TRDN: variants seen among roughly 807,000 people sequenced by gnomAD.
TRDN encodes triadin in skeletal muscle.
Under a neutral mutation model 149.7 loss-of-function variants are expected in TRDN, and 161 were observed. The observed-to-expected ratio is 1.08, with a 90% CI of 0.95 to 1.23. TRDN has a LOEUF of 1.23. Among genes scored for constraint, TRDN ranks in the 50% most tolerant of loss-of-function variants. TRDN has a pLI of 0.00. For missense variants in TRDN, 896 were observed against 823.5 expected (o/e 1.09, Z -1.08); for synonymous variants, 294 against 250.5 (o/e 1.17, Z -1.64).
chr6:123,561,330 AC>A (rs1781982942), intron 2 of TRDN, among the ~76,000 whole-genome samples: 1 of 152,050 alleles, frequency 6.6e-6, no homozygotes, highest in Admixed American at 6.6e-5. Context: ...TTAAAAACAC[AC>A]CTCACCAAGC....
intron 5 of TRDN, 121 bp downstream of exon 5, chr6:123,530,385 T>C: frequency 2.4e-6 from 1 of 421,708 alleles, no homozygotes; most frequent in East Asian, 5.8e-5. Context: ...AACTGAGGAG[T>C]AAATTTAGTT....
At chr6:123,572,473 G>A (rs1782631234) in intron 1 of TRDN, among the ~76,000 whole-genome samples, 1 of 143,912 alleles carries the variant, frequency 6.9e-6, no homozygotes, top group African/African-American at 2.4e-5. Flanking sequence ...GAGAAAACAT[G>A]TCTCATTATC....
At chr6:123,616,973 C>T (rs911716743) in intron 1 of TRDN, among the ~76,000 whole-genome samples, 1 of 152,050 alleles carries the variant, frequency 6.6e-6, no homozygotes, top group African/African-American at 2.4e-5. Context: ...TTTCATGGTG[C>T]AAATATAAAA....
intron 21 of TRDN, among the ~76,000 whole-genome samples, chr6:123,343,813 G>A (rs545159279): frequency 7.5e-4 from 114 of 152,038 alleles, no homozygotes; most frequent in African/African-American, 2.0e-3. Flanking sequence ...CAGAAAGTGC[G>A]GAGTTCCTGT....
chr6:123,555,265 G>A (rs1047332614), intron 2 of TRDN, among the ~76,000 whole-genome samples: 1 of 152,060 alleles, frequency 6.6e-6, no homozygotes, highest in Non-Finnish European at 1.5e-5. Flanking sequence ...CATCACGGTG[G>A]AAGAGATTTC....
At chr6:123,405,679 C>T (rs942091123) in intron 12 of TRDN, among the ~76,000 whole-genome samples, 8 of 152,068 alleles carry the variant, frequency 5.3e-5, no homozygotes, top group Non-Finnish European at 7.4e-5. Context: ...TTTAGTAATT[C>T]TCATCTTTCA....
intron 38 of TRDN, among the ~76,000 whole-genome samples, chr6:123,227,015 G>A (rs1443928988): frequency 4.6e-5 from 7 of 151,858 alleles, no homozygotes; most frequent in Non-Finnish European, 8.8e-5. Context: ...TCAGGGAGTA[G>A]AGGAGACGTT....
intron 24 of TRDN, among the ~76,000 whole-genome samples, chr6:123,279,627 C>G (rs1451639023): frequency 6.6e-6 from 1 of 152,026 alleles, no homozygotes; most frequent in Non-Finnish European, 1.5e-5. Flanking sequence ...CTACTTCTCA[C>G]TCCCACTTCA....
chr6:123,317,583 C>T (rs771619542), intron 23 of TRDN, among the ~76,000 whole-genome samples: 1 of 151,928 alleles, frequency 6.6e-6, no homozygotes, highest in Non-Finnish European at 1.5e-5. Context: ...CACTCTTTGG[C>T]ACATATTTCT....
intron 38 of TRDN, among the ~76,000 whole-genome samples, chr6:123,238,714 A>G (rs1246346493): frequency 1.3e-5 from 2 of 152,232 alleles, no homozygotes; most frequent in Non-Finnish European, 2.9e-5. Context: ...ACATATATAA[A>G]ACATCATGTT....
chr6:123,507,613 T>C (rs1394214119), intron 7 of TRDN, among the ~76,000 whole-genome samples: 1 of 152,128 alleles, frequency 6.6e-6, no homozygotes, highest in African/African-American at 2.4e-5. Context: ...CCAAAATATT[T>C]TTCCTGATTT....
chr6:123,578,410 A>G (rs186397608), intron 1 of TRDN, among the ~76,000 whole-genome samples: 22 of 152,084 alleles, frequency 1.4e-4, no homozygotes, highest in Admixed American at 7.2e-4. Context: ...ATGAGTTTAC[A>G]TATAACTTCC....
At chr6:123,554,332 T>C (rs1277328652) in intron 2 of TRDN, among the ~76,000 whole-genome samples, 1 of 152,180 alleles carries the variant, frequency 6.6e-6, no homozygotes, top group Non-Finnish European at 1.5e-5. Flanking sequence ...TATTGAGCAC[T>C]GATTATGTAC....
At position 123,556,640 on chromosome 6, in the gene TRDN, T is replaced by C. The variant is rs190163660; in HGVS notation, c.233-8028A>G. On this transcript the variant is annotated intron_variant, in intron 2 of 40. Transcript: ENST00000334268. ...CCTCTTCCTCCTATTCCTCTTCCTC[T>C]TCTTCTTCTTCCTCTTCCTCTTCTT... is the stretch of plus-strand genomic sequence containing the variant. Among the ~76,000 whole-genome samples, 74 of 149,540 alleles carry C rather than the reference T, an allele frequency of 4.9e-4. No individual in the cohort carries two copies. In the East Asian group the frequency reaches 9.3e-3, roughly 19 times the overall value.
At position 123,548,681 on chromosome 6, in the gene TRDN, G is replaced by A. The variant is rs1445999277; in HGVS notation, c.233-69C>T. On this transcript the variant is annotated intron_variant, in intron 2 of 40. Transcript: ENST00000334268. ...ATTTCCAAATAACTTAAGAAAAGCT[G>A]TTTTTACTGATTTGTTGTTTTGACA... is the stretch of plus-strand genomic sequence containing the variant. 5.8e-6 allele frequency: 7 copies of A among 1,204,812 alleles called. No homozygotes were observed. The South Asian group carries it at 1.3e-4, about 22-fold the overall frequency. The allele number at this position is 1,204,812 out of a possible 1,614,324, so 74.6% of individuals were successfully genotyped here. A position where few individuals can be genotyped will look rare whatever the true frequency, so the allele number is the denominator to read the frequency against.
chr6:123,375,594 G>T lies in TRDN; in HGVS notation c.1273+11C>A, dbSNP rs572925219. ...AAATATGCTCTTCTTTAAAAATTTTGTTCAACATACTTGCTTTTACTTGTT... is the reference window on the plus strand; with the variant it reads ...AAATATGCTCTTCTTTAAAAATTTTTTTCAACATACTTGCTTTTACTTGTT... On this transcript the variant is annotated intron_variant, in intron 19 of 40. Transcript: ENST00000334268. The T allele has an allele frequency of 2.0e-6, 3 of 1,533,494 alleles. No individual in the cohort carries two copies. Among genetic ancestry groups the T allele is most frequent in the East Asian group, 2.5e-5 (1 of 40,130 alleles). 95.0% of individuals were successfully genotyped at this position (1,533,494 alleles called of 1,614,324 possible). A position where few individuals can be genotyped will look rare whatever the true frequency, so the allele number is the denominator to read the frequency against.
chr6:123,375,518 A>G, intron 19 of TRDN, 87 bp downstream of exon 19: 1 of 1,155,486 alleles, frequency 8.7e-7, no homozygotes, highest in South Asian at 1.6e-5. Flanking sequence ...CCATTCTCAA[A>G]ATTAGCATTA....
intron 1 of TRDN, among the ~76,000 whole-genome samples, chr6:123,613,298 T>TA (rs1020413457): frequency 2.0e-5 from 3 of 152,308 alleles, no homozygotes; most frequent in African/African-American, 7.2e-5. Flanking sequence ...CAATTTCAAT[T>TA]AAAATAAACG....
intron 4 of TRDN, among the ~76,000 whole-genome samples, chr6:123,532,995 A>G (rs1056756610): frequency 3.9e-5 from 6 of 151,970 alleles, no homozygotes; most frequent in Non-Finnish European, 8.8e-5. Flanking sequence ...CTCCAAGCCA[A>G]CAGATGCTGT....
Sources: gnomAD v4.1 joint callset for allele counts (sites outside exome capture counted in the v4.1 genomes callset) on GRCh38, gnomAD v4.1.1 for gene constraint, MANE v1.5 for transcripts, NCBI Gene and HGNC (gene_info 2026-07-23, HGNC 2026-07-21) for gene names.